DNAH5: variants seen among roughly 807,000 people sequenced by gnomAD.
DNAH5 encodes axonemal beta dynein heavy chain 5.
Under a neutral mutation model 518.2 loss-of-function variants are expected in DNAH5, and 372 were observed. That is an observed-to-expected ratio of 0.72 (90% confidence interval 0.66 to 0.78). The LOEUF (loss-of-function observed/expected upper bound fraction) is 0.78, where lower values mean the gene tolerates loss of function less well. DNAH5 is among the 30% of genes least tolerant of loss of function. DNAH5 has a pLI of 0.00. For missense variants in DNAH5, 5,523 were observed against 5,687.0 expected (o/e 0.97, Z 0.93); for synonymous variants, 2,039 against 2,025.9 (o/e 1.01, Z -0.17).
chr5:13,965,409 T>C (rs1001504774), intron 1 of DNAH5, among the ~76,000 whole-genome samples: 12 of 152,174 alleles, frequency 7.9e-5, no homozygotes, highest in African/African-American at 2.9e-4. Flanking sequence ...AGGAAACCAA[T>C]GTGACTCTAA....
chr5:13,792,316 A>G, intron 49 of DNAH5, 99 bp from the exon 50 acceptor site: 1 of 919,306 alleles, frequency 1.1e-6, no homozygotes, highest in Non-Finnish European at 1.7e-6. Flanking sequence ...ATGTCATTAT[A>G]CATTTTAATA....
rs370911115 is a variant in DNAH5, at chr5:13,952,545, C to T, written c.13-21301G>A. ...GACTCCCAACCTCCACCAATATCAC[C>T]GCAAATTCAGAGGGCAGGGATCAAT... On this transcript the variant is annotated intron_variant, in intron 1 of 78. Transcript: ENST00000681290. Among the ~76,000 whole-genome samples the T allele has an allele frequency of 1.4e-4, 21 of 152,254 alleles. No homozygotes were observed. In the East Asian group the frequency reaches 3.7e-3, roughly 27 times the overall value.
chr5:13,811,868 C>T, intron 43 of DNAH5, 45 bp from the exon 44 acceptor site: 2 of 1,599,626 alleles, frequency 1.3e-6, no homozygotes, highest in South Asian at 2.2e-5. Flanking sequence ...TATTAGCACA[C>T]TAGGAAAATG....
intron 62 of DNAH5, 53 bp downstream of exon 62, chr5:13,754,150 G>A (rs1479737330): frequency 2.6e-5 from 41 of 1,606,286 alleles, no homozygotes; most frequent in South Asian, 7.7e-5. Context: ...ATAAGCTTTC[G>A]AATTCCCTAT....
In DNAH5 at chr5:13,972,699, C is replaced by T. The variant is rs530764266; in HGVS notation, c.12+38949G>A. ...GAGTTTCTCAGCTGTCTCATGGGGCCGGCAGCAGCAAGCCGCTTCCTTCAA... is the reference window on the plus strand; with the variant it reads ...GAGTTTCTCAGCTGTCTCATGGGGCTGGCAGCAGCAAGCCGCTTCCTTCAA... On this transcript the variant is annotated intron_variant, in intron 1 of 78. Transcript: ENST00000681290. Among the ~76,000 whole-genome samples, 205 of 152,248 alleles carry T rather than the reference C, an allele frequency of 1.3e-3. 1 individual carries two copies. The highest frequency in any genetic ancestry group is 4.8e-3 in the African/African-American group (198 of 41,542).
chr5:13,702,667 G>C (rs1742268523), intron 76 of DNAH5, among the ~76,000 whole-genome samples: 1 of 152,018 alleles, frequency 6.6e-6, no homozygotes, highest in Non-Finnish European at 1.5e-5. Context: ...ATTTATTAAA[G>C]ATGAGAAGGA....
chr5:13,989,734 C>T (rs1783376816), intron 1 of DNAH5, among the ~76,000 whole-genome samples: 1 of 152,058 alleles, frequency 6.6e-6, no homozygotes, highest in Non-Finnish European at 1.5e-5. Context: ...CCAGCCACCT[C>T]GGCCTCCCAA....
Position 13,769,614 on chromosome 5 carries a change from T to C in DNAH5, c.9607A>G (p.Met3203Val). 6.2e-7 allele frequency: 1 copy of C among 1,613,076 alleles called. No individual in the cohort carries two copies. The highest frequency in any genetic ancestry group is 8.5e-7 in the Non-Finnish European group (1 of 1,179,034). Residue 3203 changes from methionine (M) to valine (V), a missense_variant and splice_region_variant, in exon 57 of 79, where the codon ATG becomes GTG. Physicochemically the swap from Met to Val is conservative, Grantham distance 21. Coordinates refer to ENST00000265104, the MANE Select transcript of DNAH5 (RefSeq NM_001369.3). ...HVEVRTLANRMNTGLEKLKEA... is the reference protein window; with the variant it reads ...HVEVRTLANRVNTGLEKLKEA... ...TTGAGCTTTTCCAATCCAGTATTCA[T>C]TCTGGGATTGAAAATCCAAGCAAGC...
In DNAH5 at chr5:13,839,395, C is replaced by G; in HGVS notation, c.5843G>C (p.Gly1948Ala). The G allele has an allele frequency of 6.2e-7, 1 of 1,614,056 alleles. No individual in the cohort carries two copies. ...VAFIYQNEFL[G>A]CTDRLVITPL... The stretch of plus-strand genomic sequence containing the variant: ...AGTTATTACAAGCCTGTCAGTGCAG[C>G]CTAAAAATTCATTCTGGTATATGAA... The change falls in exon 35 of 79, where the codon GGC becomes GCC. Residue 1948 changes from glycine (G) to alanine (A), a missense_variant. By Grantham distance (60) the Gly-to-Ala change is moderately conservative. This residue lies in a region of DNAH5 where 5,121 missense variants were observed against 5,223.3 expected (regional missense o/e 0.98). Transcript: ENST00000265104.
At chr5:13,974,219 T>A (rs1488674147) in intron 1 of DNAH5, among the ~76,000 whole-genome samples, 5 of 150,682 alleles carry the variant, frequency 3.3e-5, no homozygotes, top group Non-Finnish European at 5.9e-5. Flanking sequence ...TACTGCAACC[T>A]CTGCCTCCCA....
In DNAH5 at chr5:13,821,085, C is replaced by A. The variant is rs956055978; in HGVS notation, c.6688-586G>T. 3.3e-5 allele frequency among the ~76,000 whole-genome samples: 5 copies of A among 151,912 alleles called. No individual in the cohort carries two copies. The South Asian group carries it at 1.0e-3, about 32-fold the overall frequency. ...TTTTACCATAATAAAAAATATATTG[C>A]ATGAAAAATACATATTTACATAGAC... On this transcript the variant is annotated intron_variant, in intron 40 of 78. Transcript: ENST00000265104.
intron 1 of DNAH5, among the ~76,000 whole-genome samples, chr5:14,008,997 T>C (rs1236800659): frequency 6.6e-6 from 1 of 152,212 alleles, no homozygotes; most frequent in African/African-American, 2.4e-5. Flanking sequence ...TCGAAGCTGG[T>C]TTCCTGGCAG....
intron 1 of DNAH5, among the ~76,000 whole-genome samples, chr5:14,002,542 A>G (rs917328559): frequency 6.6e-5 from 10 of 152,204 alleles, no homozygotes; most frequent in Admixed American, 4.6e-4. Context: ...TTTGTCTGGC[A>G]AAACAATATG....
At chr5:13,816,787 C>G (rs1290723009) in intron 42 of DNAH5, among the ~76,000 whole-genome samples, 1 of 152,134 alleles carries the variant, frequency 6.6e-6, no homozygotes, top group African/African-American at 2.4e-5. Context: ...CTACTTTAAA[C>G]ATTTTTCAGA....
chr5:13,749,420 A>C (rs1367824424), intron 65 of DNAH5, among the ~76,000 whole-genome samples: 2 of 152,188 alleles, frequency 1.3e-5, no homozygotes, highest in Admixed American at 1.3e-4. Context: ...CTGGCTTTTC[A>C]GGGCTGCTCC....
At chr5:13,775,842 A>T (rs1430636460) in intron 55 of DNAH5, among the ~76,000 whole-genome samples, 2 of 152,138 alleles carry the variant, frequency 1.3e-5, no homozygotes, top group African/African-American at 4.8e-5. Flanking sequence ...CTTCTGCATA[A>T]AACATTTTTA....
intron 31 of DNAH5, 131 bp from the exon 32 acceptor site, chr5:13,845,124 C>A: frequency 1.2e-6 from 1 of 818,472 alleles, no homozygotes; most frequent in Non-Finnish European, 1.9e-6. Flanking sequence ...TACGTGACTT[C>A]TCACTGTTTT....
At chr5:13,949,030 A>T (rs1278482851), upstream of DNAH5, among the ~76,000 whole-genome samples, 1 of 152,242 alleles carries the variant, frequency 6.6e-6, no homozygotes, top group Non-Finnish European at 1.5e-5. Flanking sequence ...AAAGAAAAAA[A>T]ACACACACAA....
At chr5:13,857,064 G>A (rs1767737813) in intron 30 of DNAH5, among the ~76,000 whole-genome samples, 1 of 152,198 alleles carries the variant, frequency 6.6e-6, no homozygotes, top group African/African-American at 2.4e-5. Context: ...AAAAGAGGAA[G>A]TCAAATTATC....
Sources: allele counts gnomAD v4.1 joint callset (sites outside exome capture counted in the v4.1 genomes callset), GRCh38; gene constraint gnomAD v4.1.1; regional missense constraint gnomAD v4.1.1; transcripts MANE v1.5; gene names NCBI Gene and HGNC (gene_info 2026-07-23, HGNC 2026-07-21).